The following C10orf143 variants were observed in gnomAD, a reference collection of about 807,000 sequenced individuals.
The protein encoded by C10orf143 is chromosome 10 open reading frame 143.
At chr10:130,098,814 C>T (rs1487192550) in intron 1 of C10orf143, among the ~76,000 whole-genome samples, 1 of 152,044 alleles carries the variant, frequency 6.6e-6, no homozygotes, top group Admixed American at 6.6e-5. Context: ...TGGCTGGGCG[C>T]GGTGGCTCAT....
At chr10:130,106,563 TAC>T in intron 1 of C10orf143, 1 of 1,576,868 alleles carries the variant, frequency 6.3e-7, no homozygotes, top group Non-Finnish European at 8.7e-7. Context: ...TCAAAAACGA[TAC>T]AGCCTCTAGC....
intron 1 of C10orf143, chr10:130,107,659 G>C: frequency 7.6e-7 from 1 of 1,316,282 alleles, no homozygotes. Flanking sequence ...CCGCAACTCT[G>C]TTGGAGGGTC....
chr10:130,046,032 G>A (rs1346536311), intron 3 of C10orf143, among the ~76,000 whole-genome samples: 1 of 151,788 alleles, frequency 6.6e-6, no homozygotes, highest in Non-Finnish European at 1.5e-5. Context: ...TGGCACAGAG[G>A]GATGCGCGTG....
chr10:130,084,160 A>G, intron 1 of C10orf143, among the ~76,000 whole-genome samples: 1 of 151,952 alleles, frequency 6.6e-6, no homozygotes, highest in East Asian at 1.9e-4. Flanking sequence ...AATACAAAAA[A>G]AAAATTAGCC....
intron 3 of C10orf143, among the ~76,000 whole-genome samples, chr10:130,049,063 C>A (rs982643191): frequency 6.6e-6 from 1 of 152,122 alleles, no homozygotes; most frequent in East Asian, 1.9e-4. Context: ...CGCAGCTGGC[C>A]CCTAGGACTC....
intron 1 of C10orf143, among the ~76,000 whole-genome samples, chr10:130,093,005 T>C (rs1172233629): frequency 6.6e-6 from 1 of 152,122 alleles, no homozygotes; most frequent in Admixed American, 6.5e-5. Context: ...ATTAGATAGA[T>C]CAACGAGACA....
intron 1 of C10orf143, among the ~76,000 whole-genome samples, chr10:130,096,852 A>T (rs1279507549): frequency 6.7e-6 from 1 of 148,216 alleles, no homozygotes; most frequent in African/African-American, 2.5e-5. Flanking sequence ...AAATATATTA[A>T]AAAAAAAAAG....
intron 3 of C10orf143, among the ~76,000 whole-genome samples, chr10:130,076,891 G>A (rs922655406): frequency 6.6e-6 from 1 of 152,096 alleles, no homozygotes; most frequent in African/African-American, 2.4e-5. Flanking sequence ...CATCCTCTAC[G>A]AGACTTGCAG....
At chr10:130,045,744 G>A (rs976148166) in intron 3 of C10orf143, among the ~76,000 whole-genome samples, 1 of 152,188 alleles carries the variant, frequency 6.6e-6, no homozygotes, top group Admixed American at 6.5e-5. Context: ...CCCGCCACGC[G>A]GGCGGGAAAA....
At chr10:130,091,666 T>C (rs1861384485) in intron 1 of C10orf143, among the ~76,000 whole-genome samples, 1 of 152,122 alleles carries the variant, frequency 6.6e-6, no homozygotes, top group African/African-American at 2.4e-5. Context: ...GCTAAGAACC[T>C]TGAAAAAAGT....
intron 1 of C10orf143, among the ~76,000 whole-genome samples, chr10:130,080,894 C>T (rs1861196536): frequency 6.6e-6 from 1 of 152,122 alleles, no homozygotes; most frequent in Non-Finnish European, 1.5e-5. Context: ...GGAGAATTCT[C>T]ATTACTGTAT....
At chr10:130,087,329 C>T (rs1307402218) in intron 1 of C10orf143, among the ~76,000 whole-genome samples, 2 of 152,192 alleles carry the variant, frequency 1.3e-5, no homozygotes, top group African/African-American at 4.8e-5. Context: ...GCTAAAAAGA[C>T]ACTTGTACTA....
rs183159617 is a variant in C10orf143 at position 130,077,560 on chromosome 10, A to C, written c.297+2006T>G. ...CTGAGCTGCCTACGGGCATCATGGG[A>C]GAGTGGGCAGGCCCACGTGTAAGCA... On this transcript the variant is annotated intron_variant, in intron 3 of 3. Coordinates refer to ENST00000637128, the MANE Select transcript of C10orf143 (RefSeq NM_001355042.2). Among the ~76,000 whole-genome samples, 275 of 152,376 alleles carry C rather than the reference A, an allele frequency of 1.8e-3. 1 individual carries two copies. Among genetic ancestry groups the C allele is most frequent in the African/African-American group, 5.6e-3 (234 of 41,598 alleles).
At chr10:130,047,502 C>G (rs946716507) in intron 3 of C10orf143, among the ~76,000 whole-genome samples, 3 of 152,166 alleles carry the variant, frequency 2.0e-5, no homozygotes, top group Admixed American at 1.3e-4. Context: ...CCTGATGATG[C>G]CCACAGCTCT....
chr10:130,085,631 G>A (rs1861279826), intron 1 of C10orf143, among the ~76,000 whole-genome samples: 1 of 152,134 alleles, frequency 6.6e-6, no homozygotes, highest in South Asian at 2.1e-4. Context: ...AAGGTCTATA[G>A]TTAACAGTAC....
At chr10:130,084,714 G>A (rs1861263833) in intron 1 of C10orf143, among the ~76,000 whole-genome samples, 1 of 152,030 alleles carries the variant, frequency 6.6e-6, no homozygotes, top group Non-Finnish European at 1.5e-5. Context: ...AAGGACAGTG[G>A]CATCCTAGTA....
In C10orf143 at chr10:130,048,456, C is replaced by T. The variant is rs530831491; in HGVS notation, c.298-12486G>A. 5.0e-3 allele frequency among the ~76,000 whole-genome samples: 764 copies of T among 152,256 alleles called. 11 individuals are homozygous for T. Among genetic ancestry groups the T allele is most frequent in the African/African-American group, 0.017 (707 of 41,532 alleles). On this transcript the variant is annotated intron_variant and NMD_transcript_variant, in intron 3 of 5. Transcript: ENST00000643056. ...GCCTGTGACTGGCTGGATACACACT[C>T]GCCTAAGTCCCCAGTACCCTCTGCT... is the stretch of plus-strand genomic sequence containing the variant.
intron 3 of C10orf143, among the ~76,000 whole-genome samples, chr10:130,046,772 C>T (rs1033991789): frequency 6.6e-6 from 1 of 152,222 alleles, no homozygotes; most frequent in Non-Finnish European, 1.5e-5. Context: ...GCCCGCTCAC[C>T]TGCACGCGGA....
chr10:130,071,429 T>C (rs1861031237), intron 3 of C10orf143, among the ~76,000 whole-genome samples: 1 of 152,208 alleles, frequency 6.6e-6, no homozygotes, highest in Non-Finnish European at 1.5e-5. Context: ...TTATATTTAT[T>C]GGCTATTTTG....
Sources: allele counts gnomAD v4.1 joint callset (sites outside exome capture counted in the v4.1 genomes callset), GRCh38; gene constraint gnomAD v4.1.1; transcripts MANE v1.5; gene names NCBI Gene and HGNC (gene_info 2026-07-23, HGNC 2026-07-21).